Variants in LAMA4 observed in about 807,000 individuals in gnomAD.
LAMA4 encodes laminin subunit alpha 4, also known as laminin subunit alpha-4.
LAMA4 carries 127 observed loss-of-function variants against 207.1 expected under a neutral mutation model. That is an observed-to-expected ratio of 0.61 (90% CI 0.53 to 0.71). The LOEUF (loss-of-function observed/expected upper bound fraction) is 0.71. Among genes scored for constraint, LAMA4 ranks in the 30% least tolerant of loss-of-function variants. LAMA4 has a pLI of 0.00. For synonymous variants in LAMA4, 761 were observed against 816.0 expected (o/e 0.93, Z 1.15); for missense variants, 2,093 against 2,246.5 (o/e 0.93, Z 1.38).
chr6:112,119,201 A>G lies in LAMA4; in HGVS notation c.4776T>C (p.Ile1592=). The G allele has an allele frequency of 6.2e-7, 1 of 1,613,940 alleles. No homozygotes were observed. The highest frequency in any genetic ancestry group is 8.5e-7 in the Non-Finnish European group (1 of 1,179,930). ...TTCCAGGAGCCACACCTCCCAAATA[A>G]ATGGGACCCTTGATTTTCCAGGTAG... ...TEATWKIKGP[I]YLGGVAPGKA... is the part of the protein sequence containing the mutation. The change falls in exon 34 of 39, where the codon ATT becomes ATC. Residue 1592 remains isoleucine (I), a synonymous_variant. Coordinates refer to ENST00000230538, the MANE Select transcript of LAMA4 (RefSeq NM_001105206.3).
intron 3 of LAMA4, among the ~76,000 whole-genome samples, chr6:112,208,664 A>G (rs1458755134): frequency 6.6e-6 from 1 of 152,228 alleles, no homozygotes; most frequent in Non-Finnish European, 1.5e-5. Flanking sequence ...TGAATGCATT[A>G]GAAGGCATCA....
At chr6:112,192,341 G>A (rs1391522565) in intron 5 of LAMA4, among the ~76,000 whole-genome samples, 1 of 152,246 alleles carries the variant, frequency 6.6e-6, no homozygotes, top group African/African-American at 2.4e-5. Context: ...GAAAGGGATT[G>A]ACTCAGGAGT....
intron 2 of LAMA4, chr6:112,236,468 T>C (rs1419578635): frequency 3.9e-5 from 6 of 152,238 alleles, no homozygotes; most frequent in African/African-American, 1.4e-4. Flanking sequence ...AACACTATTT[T>C]CTACCTGAGT....
chr6:112,211,946 A>T (rs1421905253), intron 3 of LAMA4, among the ~76,000 whole-genome samples: 1 of 151,996 alleles, frequency 6.6e-6, no homozygotes, highest in African/African-American at 2.4e-5. Flanking sequence ...ATGGATGATG[A>T]GTTGTTGGGA....
At chr6:112,193,603 CT>C (rs1460355669) in intron 5 of LAMA4, among the ~76,000 whole-genome samples, 1 of 152,130 alleles carries the variant, frequency 6.6e-6, no homozygotes, top group Non-Finnish European at 1.5e-5. Flanking sequence ...TATGGTCAGT[CT>C]TTAAACTCTT....
At chr6:112,204,531 G>A (rs1259627369) in intron 4 of LAMA4, among the ~76,000 whole-genome samples, 1 of 149,848 alleles carries the variant, frequency 6.7e-6, no homozygotes, top group Non-Finnish European at 1.5e-5. Context: ...CTGAGCAGAT[G>A]AGGCTACACA....
chr6:112,139,068 CA>C, intron 24 of LAMA4, 51 bp downstream of exon 24: 1 of 1,555,122 alleles, frequency 6.4e-7, no homozygotes, highest in Non-Finnish European at 8.9e-7. Flanking sequence ...ACATGAGTAG[CA>C]GAAAGTAAAG....
rs1460481215 is a variant in LAMA4 at position 112,139,657 on chromosome 6, G to A, written c.3110+95C>T. The A allele has an allele frequency of 4.7e-6, 7 of 1,489,690 alleles. No individual in the cohort carries two copies. In the East Asian group the frequency reaches 1.6e-4, roughly 34 times the overall value. The allele number at this position is 1,489,690 out of a possible 1,614,324, so 92.3% of individuals were successfully genotyped here. A position where few individuals can be genotyped will look rare whatever the true frequency, so the allele number is the denominator to read the frequency against. The stretch of plus-strand genomic sequence containing the variant: ...TAGTTTCAAAACTGGCTTCCCCAAA[G>A]AAAAGTTTGAGAACCTGAATATTGA... On this transcript the variant is annotated intron_variant, in intron 23 of 38. Transcript: ENST00000230538.
At chr6:112,204,217 G>A (rs1783923256) in intron 4 of LAMA4, among the ~76,000 whole-genome samples, 1 of 152,150 alleles carries the variant, frequency 6.6e-6, no homozygotes, top group African/African-American at 2.4e-5. Flanking sequence ...CCAGTGACTA[G>A]TGCATGACTG....
intron 2 of LAMA4, among the ~76,000 whole-genome samples, chr6:112,248,083 G>C (rs1339927048): frequency 6.6e-6 from 1 of 152,210 alleles, no homozygotes. Context: ...CTGGAGGAAG[G>C]AGTTAATCGG....
intron 36 of LAMA4, among the ~76,000 whole-genome samples, chr6:112,115,226 C>A (rs986788811): frequency 1.3e-5 from 2 of 152,216 alleles, no homozygotes; most frequent in African/African-American, 4.8e-5. Context: ...TAGTACCCAA[C>A]AAATAGTAAA....
intron 12 of LAMA4, among the ~76,000 whole-genome samples, chr6:112,170,036 G>A (rs1554341296): frequency 6.6e-6 from 1 of 152,200 alleles, no homozygotes; most frequent in Non-Finnish European, 1.5e-5. Flanking sequence ...AAGGACTTTT[G>A]GAGGTAAGAT....
At chr6:112,143,055 T>C (rs1299885229) in intron 19 of LAMA4, among the ~76,000 whole-genome samples, 1 of 152,180 alleles carries the variant, frequency 6.6e-6, no homozygotes, top group Non-Finnish European at 1.5e-5. Context: ...AGAGGCCCAA[T>C]ATGATATGCT....
rs1372054574 is a variant in LAMA4 at position 112,254,215 on chromosome 6, C to A, written c.-65G>T. On this transcript the variant is annotated 5_prime_UTR_variant, in exon 2 of 39. Coordinates refer to ENST00000230538, the MANE Select transcript of LAMA4 (RefSeq NM_001105206.3). ...GCGCTGTGGGTCTCCGTAGGTCTCC[C>A]GCGTGGTGCGGCGGTGCCTCGCTTA... is the stretch of plus-strand genomic sequence containing the variant. The A allele has an allele frequency of 1.2e-6, 2 of 1,603,206 alleles. No individual in the cohort carries two copies. Among genetic ancestry groups the A allele is most frequent in the East Asian group, 2.2e-5 (1 of 44,748 alleles).
intron 27 of LAMA4, 45 bp downstream of exon 27, chr6:112,133,304 T>C: frequency 6.2e-7 from 1 of 1,603,982 alleles, no homozygotes; most frequent in Non-Finnish European, 8.5e-7. Context: ...TTGAGAGTGA[T>C]AAGTATTGTG....
chr6:112,154,892 A>G lies in LAMA4; in HGVS notation c.2015T>C (p.Leu672Pro), dbSNP rs373081510. The G allele has an allele frequency of 5.0e-6, 8 of 1,613,444 alleles. No individual in the cohort carries two copies. In the Admixed American group the frequency reaches 1.2e-4, roughly 24 times the overall value. ...TTGCAGTTCTCTGGCTTGATTGAGG[A>G]GGTTCTCACTTTCATCTTTATGGTA... ...IIYHKDESENLLNQARELQAK... is the reference protein window; with the variant it reads ...IIYHKDESENPLNQARELQAK... Residue 672 changes from leucine (L) to proline (P), a missense_variant, in exon 16 of 39, where the codon CTC (leucine) becomes CCC (proline). Coordinates refer to ENST00000230538, the MANE Select transcript of LAMA4 (RefSeq NM_001105206.3).
At chr6:112,196,940 C>A (rs553588042) in intron 5 of LAMA4, among the ~76,000 whole-genome samples, 2 of 152,270 alleles carry the variant, frequency 1.3e-5, no homozygotes, top group African/African-American at 4.8e-5. Flanking sequence ...GTCTGTCAAG[C>A]AGCTCATAGT....
In LAMA4 at chr6:112,189,102, A is replaced by G. The variant is rs782339168; in HGVS notation, c.814+8T>C. ...TGGGGTTAGTCAATCATGTACTGTT[A>G]TTTTTACTTATGGTTGGGCAGTCCA... On this transcript the variant is annotated splice_region_variant and intron_variant, in intron 7 of 38. Transcript: ENST00000230538. The G allele has an allele frequency of 1.3e-6, 2 of 1,595,190 alleles. No homozygotes were observed. Among genetic ancestry groups the G allele is most frequent in the Admixed American group, 3.3e-5 (2 of 59,970 alleles).
chr6:112,148,118 C>G, intron 18 of LAMA4, 39 bp downstream of exon 18: 1 of 1,585,750 alleles, frequency 6.3e-7, no homozygotes, highest in Non-Finnish European at 8.7e-7. Context: ...ATGGCCAATT[C>G]CTTAATTAGA....
Sources: gnomAD v4.1 joint callset for allele counts (sites outside exome capture counted in the v4.1 genomes callset) on GRCh38, gnomAD v4.1.1 for gene constraint, MANE v1.5 for transcripts, NCBI Gene and HGNC (gene_info 2026-07-23, HGNC 2026-07-21) for gene names.